Variants in TG observed in about 807,000 individuals in gnomAD.
TG encodes the protein thyroglobulin.
TG carries 270 observed loss-of-function variants against 324.7 expected under a neutral mutation model. The ratio of observed to expected loss-of-function variants is 0.83; its 90% CI spans 0.75 to 0.92. TG has a LOEUF of 0.92. TG is among the 40% of genes least tolerant of loss of function. The pLI, the probability that TG is intolerant of heterozygous loss-of-function variation, is 0.00. For synonymous variants in TG, 1,401 were observed against 1,327.0 expected (o/e 1.06, Z -1.21); for missense variants, 3,591 against 3,456.4 (o/e 1.04, Z -0.98).
rs532007324 is a variant in TG at position 133,121,243 on chromosome 8, C to A, written c.7862+4527C>A. 1.1e-4 allele frequency among the ~76,000 whole-genome samples: 16 copies of A among 152,234 alleles called. 1 individual carries two copies. In the South Asian group the frequency reaches 2.3e-3, roughly 22 times the overall value. ...GGCTCTATGGGGCTCAGTTTTGCCA[C>A]CCGTGAAGTGGGAGTAGGGAGGCCG... On this transcript the variant is annotated intron_variant, in intron 45 of 47. Transcript: ENST00000220616.
At position 132,884,992 on chromosome 8, in the gene TG, C is replaced by T. The variant is rs77878855; in HGVS notation, c.1076-1456C>T. 4.7e-3 allele frequency among the ~76,000 whole-genome samples: 711 copies of T among 152,338 alleles called. 2 individuals are homozygous for T. The highest frequency in any genetic ancestry group is 7.1e-3 in the Non-Finnish European group (484 of 68,030). ...GCCATGGCCTCGTTGAGGGATGTTA[C>T]GTGCTCTGATGCTGCCAATCTTTCC... On this transcript the variant is annotated intron_variant, in intron 8 of 47. Transcript: ENST00000220616.
rs775032825 is a variant in TG at position 133,013,718 on chromosome 8, C to T, written c.6516C>T (p.Cys2172=). 1.2e-6 allele frequency: 2 copies of T among 1,613,602 alleles called. No homozygotes were observed. Among genetic ancestry groups the T allele is most frequent in the Middle Eastern group, 1.7e-4 (1 of 6,060 alleles). ...SCTHSLQGQN[C]RLLLREEATH... is the part of the protein sequence containing the mutation. The stretch of plus-strand genomic sequence containing the variant: ...CACATAGTCTGCAGGGTCAGAACTG[C>T]CGACTTCTGCTTCGTGAAGAGGCCA... The change falls in exon 37 of 48, where the codon TGC becomes TGT. Residue 2172 remains cysteine, a synonymous_variant. Transcript: ENST00000220616.
At chr8:133,122,841 T>C (rs937639569) in intron 45 of TG, among the ~76,000 whole-genome samples, 1 of 152,202 alleles carries the variant, frequency 6.6e-6, no homozygotes, top group African/African-American at 2.4e-5. Context: ...CTCCTGTTCA[T>C]CTCTGCCCAC....
At chr8:133,096,184 A>G (rs1848382369) in intron 42 of TG, 22 bp from the exon 43 acceptor site, 1 of 1,614,046 alleles carries the variant, frequency 6.2e-7, no homozygotes, top group South Asian at 1.1e-5. Context: ...AGGACAACTG[A>G]TTATTGTTGC....
At chr8:132,908,099 A>G in intron 17 of TG, 87 bp from the exon 18 acceptor site, 1 of 1,498,880 alleles carries the variant, frequency 6.7e-7, no homozygotes, top group Non-Finnish European at 9.2e-7. Context: ...TCAATGAGGA[A>G]GGGTTATTTT....
intron 41 of TG, chr8:133,046,509 GAGGGTAGCA>G (rs1449228296): frequency 6.6e-6 from 1 of 152,212 alleles, no homozygotes; most frequent in Non-Finnish European, 1.5e-5. Context: ...TAAGCAGACC[GAGGGTAGCA>G]AGTGAAACAC....
At chr8:133,074,761 C>T in intron 41 of TG, 1 of 748,010 alleles carries the variant, frequency 1.3e-6, no homozygotes, top group Non-Finnish European at 1.6e-6. Context: ...GAGCTCCTTT[C>T]TGACTCCAGA....
intron 14 of TG, among the ~76,000 whole-genome samples, chr8:132,899,972 C>T (rs780318341): frequency 6.5e-4 from 99 of 152,200 alleles, no homozygotes; most frequent in Non-Finnish European, 1.1e-3. Context: ...GCCCCACTTT[C>T]CCTCTCTGAG....
At chr8:133,003,530 C>T (rs1833748709) in intron 35 of TG, among the ~76,000 whole-genome samples, 1 of 151,930 alleles carries the variant, frequency 6.6e-6, no homozygotes, top group Non-Finnish European at 1.5e-5. Context: ...TACTCCTCTG[C>T]ATCATATACA....
Position 133,042,678 on chromosome 8 carries a change from C to CTTTTTTTTTTTTTTTTT in TG, c.7239+12670_7239+12686dup, listed in dbSNP as rs58739514. The stretch of plus-strand genomic sequence containing the variant: ...GTGCACAATTCCTCTCATTCTGTGT[C>CTTTTTTTTTTTTTTTTT]TTTTTTTTTTTTTTTTTTTTTTTTT... On this transcript the variant is annotated intron_variant, in intron 41 of 47. Transcript: ENST00000220616. 1.8e-4 allele frequency among the ~76,000 whole-genome samples: 10 copies of CTTTTTTTTTTTTTTTTT among 56,768 alleles called. 1 individual carries two copies. The highest frequency in any genetic ancestry group is 4.8e-4 in the African/African-American group (7 of 14,488). The allele number at this position is 56,768 out of a possible 152,430, so 37.2% of individuals were successfully genotyped here. A position where few individuals can be genotyped will look rare whatever the true frequency, so the allele number is the denominator to read the frequency against.
chr8:132,897,761 G>A lies in TG; in HGVS notation c.3114G>A (p.Glu1038=). ...AGTGTGATGCGTTTGGAAGTTGGGA[G>A]CCTGTGCAGTGCCACGCTGGGACTG... ...MPQCDAFGSW[E]PVQCHAGTGH... The change falls in exon 12 of 48, where the codon GAG becomes GAA. Residue 1038 remains glutamate, a synonymous_variant. Transcript: ENST00000220616. 6.2e-7 allele frequency: 1 copy of A among 1,614,260 alleles called. No homozygotes were observed. Among genetic ancestry groups the A allele is most frequent in the Non-Finnish European group, 8.5e-7 (1 of 1,180,050 alleles).
At position 133,113,478 on chromosome 8, in the gene TG, G is replaced by A. The variant is rs1850433722; in HGVS notation, c.7629G>A (p.Leu2543=). ...GCAAAACAGCCTTTTACCAGGCACT[G>A]CAGAATTCTCTGGGTGGCGAGGACT... is the stretch of plus-strand genomic sequence containing the variant. ...TSSKTAFYQA[L]QNSLGGEDSD... The change falls in exon 44 of 48, where the codon CTG becomes CTA. Residue 2543 remains leucine (L), a synonymous_variant. Coordinates refer to ENST00000220616, the MANE Select transcript of TG (RefSeq NM_003235.5). 5 of 1,614,004 alleles carry A rather than the reference G, an allele frequency of 3.1e-6. No homozygotes were observed. The highest frequency in any genetic ancestry group is 4.2e-6 in the Non-Finnish European group (5 of 1,180,004).
At chr8:132,873,945 C>T (rs1839731034) in intron 5 of TG, among the ~76,000 whole-genome samples, 1 of 151,970 alleles carries the variant, frequency 6.6e-6, no homozygotes. Flanking sequence ...CTGAGGTGGG[C>T]AGATCATGAG....
intron 11 of TG, among the ~76,000 whole-genome samples, chr8:132,896,201 G>C (rs1587296439): frequency 6.6e-6 from 1 of 152,246 alleles, no homozygotes; most frequent in Non-Finnish European, 1.5e-5. Flanking sequence ...TTCCATAGAT[G>C]AGGAAACTGA....
At position 132,886,952 on chromosome 8, in the gene TG, A is replaced by T; in HGVS notation, c.1580A>T (p.Asp527Val). The T allele has an allele frequency of 6.2e-7, 1 of 1,614,190 alleles. No homozygotes were observed. Among genetic ancestry groups the T allele is most frequent in the Non-Finnish European group, 8.5e-7 (1 of 1,180,034 alleles). ...GCCAAGCCACTCTCTGTGGGATTAG[A>T]TTCAAATTCTTCCACAGGAACCCCT... is the stretch of plus-strand genomic sequence containing the variant. ...DLAKPLSVGLDSNSSTGTPEA... is the reference protein window; with the variant it reads ...DLAKPLSVGLVSNSSTGTPEA... Residue 527 changes from aspartate to valine, a missense_variant, in exon 9 of 48, where the codon GAT becomes GTT. Physicochemically the swap from Asp to Val is radical, Grantham distance 152. Transcript: ENST00000220616.
intron 35 of TG, among the ~76,000 whole-genome samples, chr8:133,005,571 G>A (rs1253636351): frequency 1.3e-5 from 2 of 152,156 alleles, no homozygotes; most frequent in Admixed American, 6.5e-5. Flanking sequence ...TACAACCCTA[G>A]GAGAGACAGT....
chr8:133,052,847 G>A (rs1684607650), intron 41 of TG, among the ~76,000 whole-genome samples: 1 of 152,240 alleles, frequency 6.6e-6, no homozygotes, highest in Non-Finnish European at 1.5e-5. Flanking sequence ...CAGAAGCTGA[G>A]GCTGACTTTG....
chr8:133,086,514 A>G (rs1846586053), intron 41 of TG, among the ~76,000 whole-genome samples: 1 of 152,222 alleles, frequency 6.6e-6, no homozygotes, highest in Non-Finnish European at 1.5e-5. Context: ...ATGCCATGGA[A>G]ACAACTCATT....
intron 18 of TG, among the ~76,000 whole-genome samples, chr8:132,908,747 TA>T (rs1156911115): frequency 1.3e-5 from 2 of 151,962 alleles, no homozygotes; most frequent in Non-Finnish European, 2.9e-5. Context: ...AGGTAAGAGC[TA>T]AGAGGGGAAA....
Sources: allele counts gnomAD v4.1 joint callset (sites outside exome capture counted in the v4.1 genomes callset), GRCh38; gene constraint gnomAD v4.1.1; transcripts MANE v1.5; gene names NCBI Gene and HGNC (gene_info 2026-07-23, HGNC 2026-07-21).